RNF216: variants seen among roughly 807,000 people sequenced by gnomAD.
The protein encoded by RNF216 is E3 ubiquitin-protein ligase RNF216.
RNF216 carries 72 observed loss-of-function variants against 110.8 expected under a neutral mutation model. The observed-to-expected ratio is 0.65, with a 90% CI of 0.54 to 0.79. The LOEUF is 0.79. Among genes scored for constraint, RNF216 ranks in the 30% least tolerant of loss-of-function variants. The pLI is 0.00. For missense variants in RNF216, 1,342 were observed against 1,141.2 expected, an observed-to-expected ratio of 1.18 and a Z score of -2.54; for synonymous variants, 495 against 407.5, an observed-to-expected ratio of 1.21 and a Z score of -2.59.
chr7:5,768,662 TTTG>T (rs1292293328), intron 1 of RNF216, among the ~76,000 whole-genome samples: 3 of 117,998 alleles, frequency 2.5e-5, no homozygotes, highest in African/African-American at 9.0e-5. Flanking sequence ...ATGAAGCAAC[TTTG>T]TTTTTTTTTT....
At chr7:5,679,137 G>A (rs2128603634) in intron 13 of RNF216, among the ~76,000 whole-genome samples, 2 of 152,280 alleles carry the variant, frequency 1.3e-5, no homozygotes, top group South Asian at 4.1e-4. Flanking sequence ...TAGTTATCAA[G>A]TCATTTAATC....
intron 13 of RNF216, among the ~76,000 whole-genome samples, chr7:5,708,514 C>T (rs369892501): frequency 3.1e-4 from 47 of 152,204 alleles, no homozygotes; most frequent in African/African-American, 9.2e-4. Flanking sequence ...ATTCAAGTAC[C>T]CATACAATCA....
intron 13 of RNF216, among the ~76,000 whole-genome samples, chr7:5,694,487 A>T (rs921832502): frequency 6.6e-6 from 1 of 152,234 alleles, no homozygotes; most frequent in African/African-American, 2.4e-5. Flanking sequence ...TCTTGGACAC[A>T]ATTTTTATTC....
intron 13 of RNF216, among the ~76,000 whole-genome samples, chr7:5,678,985 G>A (rs1238352961): frequency 2.0e-5 from 3 of 152,192 alleles, no homozygotes; most frequent in Non-Finnish European, 4.4e-5. Flanking sequence ...GAGCAAAGAG[G>A]AAATTTATGG....
At chr7:5,780,675 A>G (rs1350630214) in intron 1 of RNF216, among the ~76,000 whole-genome samples, 3 of 152,190 alleles carry the variant, frequency 2.0e-5, no homozygotes, top group Admixed American at 6.5e-5. Context: ...ACTGCACTCC[A>G]GCCTGGGCAA....
In RNF216 at chr7:5,625,218, G is replaced by A. The variant is rs540183140; in HGVS notation, c.2383-1093C>T. 2.6e-4 allele frequency among the ~76,000 whole-genome samples: 40 copies of A among 152,342 alleles called. No individual in the cohort carries two copies. In the South Asian group the frequency reaches 7.9e-3, roughly 30 times the overall value. On this transcript the variant is annotated intron_variant, in intron 15 of 16. Transcript: ENST00000389902. ...AGCAGGAAAGAGATAGCTGACTATAGGAGGGCTCTGTTCCCTGAGGTCCTC... is the reference window on the plus strand; with the variant it reads ...AGCAGGAAAGAGATAGCTGACTATAAGAGGGCTCTGTTCCCTGAGGTCCTC...
rs777762944 is a variant in RNF216 at position 5,741,231 on chromosome 7, G to A, written c.786C>T (p.Arg262=). 2.5e-6 allele frequency: 4 copies of A among 1,614,156 alleles called. No individual in the cohort carries two copies. The Admixed American group carries it at 6.7e-5, about 27-fold the overall frequency. The part of the protein sequence containing the change: ...QERQPEAELG[R]LLFQHEFPGP... Reference sequence around the variant, plus strand: ...CTGGGAATTCATGCTGAAACAACAAGCGGCCCAGTTCTGCTTCAGGCTGCC... The same window carrying A: ...CTGGGAATTCATGCTGAAACAACAAACGGCCCAGTTCTGCTTCAGGCTGCC... The change falls in exon 4 of 17, where the codon CGC becomes CGT. Residue 262 remains arginine (R), a synonymous_variant. Transcript: ENST00000389902.
intron 13 of RNF216, among the ~76,000 whole-genome samples, chr7:5,673,353 C>T (rs1052493580): frequency 6.6e-6 from 1 of 152,184 alleles, no homozygotes; most frequent in African/African-American, 2.4e-5. Context: ...ATGGAGTGGG[C>T]TGGAGATAGC....
At chr7:5,741,906 A>C in intron 3 of RNF216, 91 bp from the exon 4 acceptor site, 1 of 1,348,258 alleles carries the variant, frequency 7.4e-7, no homozygotes, top group Non-Finnish European at 1.0e-6. Context: ...ATAGGACAGG[A>C]AAGAAACAAA....
intron 2 of RNF216, among the ~76,000 whole-genome samples, chr7:5,759,759 G>C (rs1431319578): frequency 6.6e-6 from 1 of 150,974 alleles, no homozygotes; most frequent in African/African-American, 2.4e-5. Flanking sequence ...AGCCTCCCAA[G>C]TAGCTGGGAC....
Position 5,716,236 on chromosome 7 carries a change from G to C in RNF216, c.1695+480C>G, listed in dbSNP as rs570581017. Among the ~76,000 whole-genome samples the C allele has an allele frequency of 2.0e-5, 3 of 152,110 alleles. No individual in the cohort carries two copies. In the East Asian group the frequency reaches 5.8e-4, roughly 30 times the overall value. ...CACATTAGAAAGGGTCAGTAGCCAG[G>C]TGTAGTGGCTCACACCTGTTCCCAG... On this transcript the variant is annotated intron_variant, in intron 10 of 16. Transcript: ENST00000389902.
chr7:5,682,528 C>G (rs1790726514), intron 13 of RNF216, among the ~76,000 whole-genome samples: 1 of 151,978 alleles, frequency 6.6e-6, no homozygotes, highest in Non-Finnish European at 1.5e-5. Context: ...CTGCCTCAGC[C>G]ACCCGAGTAG....
At chr7:5,768,073 T>C (rs1026632353) in intron 1 of RNF216, among the ~76,000 whole-genome samples, 1 of 152,070 alleles carries the variant, frequency 6.6e-6, no homozygotes, top group African/African-American at 2.4e-5. Context: ...TACTCTAATT[T>C]GCACACCTAA....
chr7:5,687,579 AAAGGCTGTGAC>A (rs1791074050), intron 13 of RNF216, among the ~76,000 whole-genome samples: 1 of 152,138 alleles, frequency 6.6e-6, no homozygotes, highest in South Asian at 2.1e-4. Context: ...TCTAGTTCTA[AAAGGCTGTGAC>A]AAGCCTCTCT....
In RNF216 at chr7:5,624,244, T is replaced by C; in HGVS notation, c.2383-119A>G. On this transcript the variant is annotated intron_variant, in intron 15 of 16. Transcript: ENST00000389902. The surrounding 1 kb of genome is among the most constrained non-coding windows in gnomAD (Gnocchi z 4.4). ...ATGGAACAAGCCCGAAGCCTGCTGC[T>C]GGCCAGTGGGGCCTGGGCTGCACAC... is the stretch of plus-strand genomic sequence containing the variant. The C allele has an allele frequency of 3.9e-6, 3 of 776,128 alleles. No individual in the cohort carries two copies. Among genetic ancestry groups the C allele is most frequent in the South Asian group, 3.3e-5 (2 of 60,714 alleles). The allele number at this position is 776,128 out of a possible 1,614,324, so 48.1% of individuals were successfully genotyped here. A position where few individuals can be genotyped will look rare whatever the true frequency, so the allele number is the denominator to read the frequency against.
intron 11 of RNF216, among the ~76,000 whole-genome samples, chr7:5,714,590 T>C (rs1052615244): frequency 6.6e-6 from 1 of 152,190 alleles, no homozygotes; most frequent in African/African-American, 2.4e-5. Flanking sequence ...TAGTTTTCTA[T>C]TGCTGCTGGA....
chr7:5,750,653 C>G (rs531605076), intron 3 of RNF216, among the ~76,000 whole-genome samples: 13 of 152,306 alleles, frequency 8.5e-5, no homozygotes, highest in African/African-American at 3.1e-4. Flanking sequence ...ATGGGCCACA[C>G]AGAGTTCACT....
intron 13 of RNF216, among the ~76,000 whole-genome samples, chr7:5,682,911 G>A (rs574767502): frequency 1.6e-4 from 25 of 152,246 alleles, no homozygotes; most frequent in African/African-American, 5.8e-4. Flanking sequence ...TTGCGTTAAT[G>A]TAGCATCAAA....
intron 13 of RNF216, among the ~76,000 whole-genome samples, chr7:5,693,001 G>A (rs1791425737): frequency 6.6e-6 from 1 of 152,130 alleles, no homozygotes; most frequent in South Asian, 2.1e-4. Flanking sequence ...ACACAATTGT[G>A]GGCATATTGC....
Sources: allele counts gnomAD v4.1 joint callset (sites outside exome capture counted in the v4.1 genomes callset), GRCh38; gene constraint gnomAD v4.1.1; non-coding constraint Gnocchi (gnomAD v3.1); transcripts MANE v1.5; gene names NCBI Gene and HGNC (gene_info 2026-07-23, HGNC 2026-07-21).